Variants in TMPRSS15 observed in about 807,000 individuals in gnomAD.
TMPRSS15 encodes the protein enteropeptidase.
TMPRSS15 carries 128 observed loss-of-function variants against 125.3 expected under a neutral mutation model. The ratio of observed to expected loss-of-function variants is 1.02; its 90% CI spans 0.89 to 1.18. TMPRSS15 has a LOEUF of 1.18. TMPRSS15 is among the 50% of genes most tolerant of loss of function. The pLI is 0.00. For missense variants in TMPRSS15, 1,283 were observed against 1,212.7 expected, an observed-to-expected ratio of 1.06 and a Z score of -0.86; for synonymous variants, 446 against 423.2, an observed-to-expected ratio of 1.05 and a Z score of -0.66.
At chr21:18,377,465 C>A (rs1331863364) in intron 5 of TMPRSS15, among the ~76,000 whole-genome samples, 1 of 151,872 alleles carries the variant, frequency 6.6e-6, no homozygotes, top group African/African-American at 2.4e-5. Context: ...TGGGAGTCAC[C>A]ATGTTGACGA....
intron 3 of TMPRSS15, among the ~76,000 whole-genome samples, chr21:18,395,756 A>T (rs1353075664): frequency 6.6e-6 from 1 of 152,226 alleles, no homozygotes; most frequent in Non-Finnish European, 1.5e-5. Flanking sequence ...GACAATGTAG[A>T]CAAGAAAACT....
chr21:18,469,454 A>G (rs1280854394), intron 1 of TMPRSS15, among the ~76,000 whole-genome samples: 2 of 152,160 alleles, frequency 1.3e-5, no homozygotes, highest in African/African-American at 4.8e-5. Context: ...TTTAGGATAT[A>G]AAAATATTAA....
At chr21:18,323,767 C>T (rs753245706) in intron 16 of TMPRSS15, among the ~76,000 whole-genome samples, 9 of 151,982 alleles carry the variant, frequency 5.9e-5, no homozygotes, top group Non-Finnish European at 1.3e-4. Flanking sequence ...GGATGGCCTC[C>T]AGTAGAATAG....
chr21:18,299,792 A>G (rs1038110894), intron 18 of TMPRSS15, among the ~76,000 whole-genome samples: 2 of 152,152 alleles, frequency 1.3e-5, no homozygotes, highest in Non-Finnish European at 2.9e-5. Flanking sequence ...ATAGGTCCAA[A>G]GGCAAATTCT....
chr21:18,398,398 G>T, intron 1 of TMPRSS15, 69 bp from the exon 2 acceptor site: 2 of 1,524,452 alleles, frequency 1.3e-6, no homozygotes, highest in East Asian at 2.3e-5. Flanking sequence ...TGCACATTCT[G>T]TTAAGACATA....
Position 18,458,784 on chromosome 21 carries a change from C to A in TMPRSS15, c.10+27015G>T, listed in dbSNP as rs144584067. The stretch of plus-strand genomic sequence containing the variant: ...TGGTACTTTTCCCAAAATAAAATTC[C>A]TGGTTGGAGAACACATGCAGACTGC... On this transcript the variant is annotated intron_variant, in intron 1 of 7. Coordinates refer to the TMPRSS15 transcript ENST00000422787. 5.9e-3 allele frequency among the ~76,000 whole-genome samples: 905 copies of A among 152,232 alleles called. 7 individuals carry two copies. The highest frequency in any genetic ancestry group is 0.016 in the South Asian group (78 of 4,822).
intron 1 of TMPRSS15, among the ~76,000 whole-genome samples, chr21:18,398,933 T>G (rs2824806): frequency 0.27 from 41,575 of 151,790 alleles, 6,596 homozygotes; most frequent in Middle Eastern, 0.46. Flanking sequence ...TAGAATGCTG[T>G]AGAAAATAGA....
rs547483970 is a variant in TMPRSS15, at chr21:18,482,220, T to C, written c.10+3579A>G. On this transcript the variant is annotated intron_variant, in intron 1 of 7. Transcript: ENST00000422787. The stretch of plus-strand genomic sequence containing the variant: ...TAGAGAGAATAGGAACATTATCCAA[T>C]ATGAACACCAATTTTGATGAAATTC... Among the ~76,000 whole-genome samples, 5 of 151,626 alleles carry C rather than the reference T, an allele frequency of 3.3e-5. No homozygotes were observed. The East Asian group carries it at 9.7e-4, about 29-fold the overall frequency.
chr21:18,481,420 G>A (rs1262470070), intron 1 of TMPRSS15, among the ~76,000 whole-genome samples: 5 of 151,786 alleles, frequency 3.3e-5, no homozygotes, highest in East Asian at 1.9e-4. Context: ...AATAAAAATG[G>A]GAACATGTGA....
intron 21 of TMPRSS15, among the ~76,000 whole-genome samples, chr21:18,285,262 G>A (rs1030377363): frequency 1.3e-5 from 2 of 152,152 alleles, no homozygotes; most frequent in Admixed American, 6.5e-5. Flanking sequence ...ATGTGGCAAT[G>A]TGCTGATGTG....
intron 1 of TMPRSS15, among the ~76,000 whole-genome samples, chr21:18,433,680 A>AAAAAAAAAAAAAAAAAAT (rs2076221524): frequency 6.6e-6 from 1 of 150,690 alleles, no homozygotes; most frequent in Admixed American, 6.6e-5. Context: ...AAAAAAAAAA[A>AAAAAAAAAAAAAAAAAAT]AAAAAAGAAA....
At chr21:18,421,158 A>G (rs913003102) in intron 1 of TMPRSS15, among the ~76,000 whole-genome samples, 3 of 152,206 alleles carry the variant, frequency 2.0e-5, no homozygotes, top group African/African-American at 4.8e-5. Context: ...TATAGGATCA[A>G]TGTAACTTGC....
intron 3 of TMPRSS15, among the ~76,000 whole-genome samples, 164 bp from the exon 4 acceptor site, chr21:18,383,942 G>A (rs1317989661): frequency 5.3e-5 from 8 of 152,028 alleles, no homozygotes; most frequent in African/African-American, 1.9e-4. Flanking sequence ...TATTTCATGA[G>A]GGAAAGAAAA....
intron 1 of TMPRSS15, among the ~76,000 whole-genome samples, chr21:18,409,496 C>G (rs1482419673): frequency 6.6e-6 from 1 of 151,924 alleles, no homozygotes; most frequent in Admixed American, 6.6e-5. Flanking sequence ...TTATCTATAT[C>G]TCTACTTTTC....
At chr21:18,420,438 T>A (rs1464307534) in intron 1 of TMPRSS15, among the ~76,000 whole-genome samples, 1 of 5,240 alleles carries the variant, frequency 1.9e-4, no homozygotes, top group African/African-American at 2.1e-4. Context: ...AGATCTTCAA[T>A]ATTTGGAAGT....
intron 1 of TMPRSS15, among the ~76,000 whole-genome samples, chr21:18,463,246 CAAAAAAAAAAAAAAAA>C (rs2122910995): frequency 0.018 from 212 of 11,520 alleles, 1 homozygote; most frequent in African/African-American, 0.049. Flanking sequence ...AAATGGAAAG[CAAAAAAAAAAAAAAAA>C]AAAAAAAAAA....
At chr21:18,424,999 G>A (rs1393330093) in intron 1 of TMPRSS15, among the ~76,000 whole-genome samples, 1 of 149,650 alleles carries the variant, frequency 6.7e-6, no homozygotes, top group Non-Finnish European at 1.5e-5. Flanking sequence ...ATGAATATAT[G>A]AATACATATG....
intron 1 of TMPRSS15, among the ~76,000 whole-genome samples, chr21:18,421,268 T>C (rs2076191474): frequency 6.6e-6 from 1 of 152,178 alleles, no homozygotes; most frequent in South Asian, 2.1e-4. Context: ...GTCACAGTTT[T>C]CAGTACTCCA....
upstream of TMPRSS15, among the ~76,000 whole-genome samples, chr21:18,404,318 A>T (rs773536106): frequency 3.2e-4 from 49 of 152,216 alleles, 2 homozygotes; most frequent in Admixed American, 3.1e-3. Flanking sequence ...GCTACTCTTT[A>T]TGGCCTTGTG....
Sources: gnomAD v4.1 joint callset for allele counts (sites outside exome capture counted in the v4.1 genomes callset) on GRCh38, gnomAD v4.1.1 for gene constraint, MANE v1.5 for transcripts, NCBI Gene and HGNC (gene_info 2026-07-23, HGNC 2026-07-21) for gene names.